Variants in BEST2 observed in about 807,000 individuals in gnomAD.
BEST2 encodes the protein bestrophin 2.
Under a neutral mutation model 49.0 loss-of-function variants are expected in BEST2, and 36 were observed. The observed-to-expected ratio is 0.73, with a 90% CI of 0.56 to 0.97. The LOEUF is 0.97. Among genes scored for constraint, BEST2 ranks in the 50% least tolerant of loss-of-function variants. The pLI, the probability that BEST2 is intolerant of heterozygous loss-of-function variation, is 0.00. For synonymous variants in BEST2, 335 were observed against 304.4 expected (o/e 1.10, Z -1.05); for missense variants, 672 against 710.0 (o/e 0.95, Z 0.61).
intron 2 of BEST2, 64 bp from the exon 3 acceptor site, chr19:12,753,196 A>G: frequency 6.5e-7 from 1 of 1,549,200 alleles, no homozygotes; most frequent in Non-Finnish European, 8.9e-7. Context: ...GCACAGCAAG[A>G]GAGATCTGAA....
At chr19:12,757,307 G>A (rs1967956481) in intron 9 of BEST2, among the ~76,000 whole-genome samples, 1 of 152,086 alleles carries the variant, frequency 6.6e-6, no homozygotes, top group Non-Finnish European at 1.5e-5. Flanking sequence ...AGGTACTCAG[G>A]AGGCTGAGAC....
intron 9 of BEST2, chr19:12,756,781 G>A (rs1820088053): frequency 1.7e-5 from 3 of 175,038 alleles, no homozygotes. Flanking sequence ...AGGAGTTCGA[G>A]GCTGCAGTGA....
chr19:12,758,230 T>C lies in BEST2; in HGVS notation c.*153T>C, dbSNP rs1479564100. On this transcript the variant is annotated 3_prime_UTR_variant, in exon 10 of 10. Transcript: ENST00000553030. ...TGCCCGCATGTGTTTGGCGCTGTGC[T>C]AGGGGCGGGAGTTCTTCCAGACTCT... is the stretch of plus-strand genomic sequence containing the variant. The C allele has an allele frequency of 1.0e-6, 1 of 985,406 alleles. No individual in the cohort carries two copies. The highest frequency in any genetic ancestry group is 1.7e-5 in the African/African-American group (1 of 60,492). 61.0% of individuals were successfully genotyped at this position (985,406 alleles called of 1,614,324 possible).
Position 12,755,032 on chromosome 19 carries a change from G to T in BEST2, c.636+1G>T, listed in dbSNP as rs1967922564. 1 of 1,597,752 alleles carries T rather than the reference G, an allele frequency of 6.3e-7. No homozygotes were observed. The highest frequency in any genetic ancestry group is 1.4e-5 in the African/African-American group (1 of 73,868). On this transcript the variant is annotated splice_donor_variant, in intron 5 of 9. Transcript: ENST00000553030. LOFTEE classifies it high-confidence loss of function. The surrounding 1 kb of genome is among the most constrained non-coding windows in gnomAD (Gnocchi z 4.4). ...CAGCGCCCTTAAGCTGCTGCTCGAG[G>T]TGGGCCCAACCAGGAGGTCATTCAT...
rs1967913437 is a variant in BEST2 at position 12,754,614 on chromosome 19, G to C, written c.310G>C (p.Asp104His). 1 of 1,564,340 alleles carries C rather than the reference G, an allele frequency of 6.4e-7. No homozygotes were observed. The highest frequency in any genetic ancestry group is 1.4e-5 in the African/African-American group (1 of 73,828). Residue 104 changes from aspartate (D) to histidine (H), a missense_variant, in exon 4 of 10, where the codon GAC becomes CAC. Coordinates refer to ENST00000553030, the MANE Select transcript of BEST2 (RefSeq NM_017682.3). ...WSQYLCMPLP[D>H]ALMCVVAGTV... is the part of the protein sequence containing the mutation. ...CCAGTACCTATGCATGCCGCTGCCC[G>C]ACGCGCTCATGTGCGTGGTGGCGGG...
intron 9 of BEST2, 132 bp downstream of exon 9, chr19:12,756,427 C>T (rs767165428): frequency 2.5e-5 from 32 of 1,263,634 alleles, no homozygotes; most frequent in Non-Finnish European, 3.3e-5. Context: ...ACTGTGATAA[C>T]GCCAGAAGCT....
rs1967925116 is a variant in BEST2 at position 12,755,157 on chromosome 19, T to G, written c.636+126T>G. ...TCAAACACCCTCACCAGGTGCACTCTTACCTCCATGGGGCTGATTCCAATG... is the reference window on the plus strand; with the variant it reads ...TCAAACACCCTCACCAGGTGCACTCGTACCTCCATGGGGCTGATTCCAATG... On this transcript the variant is annotated intron_variant, in intron 5 of 9. Coordinates refer to ENST00000553030, the MANE Select transcript of BEST2 (RefSeq NM_017682.3). This position sits in a 1 kb window ranked among gnomAD's most constrained non-coding sequence, Gnocchi z 4.4. 3 of 1,255,244 alleles carry G rather than the reference T, an allele frequency of 2.4e-6. No homozygotes were observed. The highest frequency in any genetic ancestry group is 3.3e-6 in the Non-Finnish European group (3 of 921,088). The allele number at this position is 1,255,244 out of a possible 1,614,324, so 77.8% of individuals were successfully genotyped here. A position where few individuals can be genotyped will look rare whatever the true frequency, so the allele number is the denominator to read the frequency against.
At position 12,754,616 on chromosome 19, in the gene BEST2, C is replaced by G. The variant is rs748886255; in HGVS notation, c.312C>G (p.Asp104Glu). The change falls in exon 4 of 10, where the codon GAC becomes GAG. Residue 104 changes from aspartate (D) to glutamate (E), a missense_variant. Physicochemically the swap from Asp to Glu is conservative, Grantham distance 45. This residue lies in a region of BEST2 where 365 missense variants were observed against 390.9 expected (regional missense o/e 0.93). Transcript: ENST00000553030. The part of the protein sequence containing the change: ...WSQYLCMPLP[D>E]ALMCVVAGTV... ...AGTACCTATGCATGCCGCTGCCCGA[C>G]GCGCTCATGTGCGTGGTGGCGGGCA... 5 of 1,564,266 alleles carry G rather than the reference C, an allele frequency of 3.2e-6. No individual in the cohort carries two copies. The South Asian group carries it at 4.7e-5, about 15-fold the overall frequency.
In BEST2 at chr19:12,752,509, G is replaced by A. The variant is rs1967879836; in HGVS notation, c.-51-33G>A. On this transcript the variant is annotated intron_variant, in intron 1 of 9. Coordinates refer to ENST00000553030, the MANE Select transcript of BEST2 (RefSeq NM_017682.3). Reference sequence around the variant, plus strand: ...AACATGGGTGGAATCCCTGTGCTCAGTTATCCCCGCACCTCTCCACCCACA... The same window carrying A: ...AACATGGGTGGAATCCCTGTGCTCAATTATCCCCGCACCTCTCCACCCACA... 3.5e-6 allele frequency: 5 copies of A among 1,432,242 alleles called. No individual in the cohort carries two copies. The East Asian group carries it at 9.2e-5, about 26-fold the overall frequency. The allele number at this position is 1,432,242 out of a possible 1,614,324, so 88.7% of individuals were successfully genotyped here. A position where few individuals can be genotyped will look rare whatever the true frequency, so the allele number is the denominator to read the frequency against.
chr19:12,755,149 G>A lies in BEST2; in HGVS notation c.636+118G>A, dbSNP rs1599458250. 11 of 1,305,138 alleles carry A rather than the reference G, an allele frequency of 8.4e-6. No homozygotes were observed. Among genetic ancestry groups the A allele is most frequent in the South Asian group, 3.0e-5 (2 of 66,832 alleles). 80.8% of individuals were successfully genotyped at this position (1,305,138 alleles called of 1,614,324 possible). A position where few individuals can be genotyped will look rare whatever the true frequency, so the allele number is the denominator to read the frequency against. On this transcript the variant is annotated intron_variant, in intron 5 of 9. Coordinates refer to ENST00000553030, the MANE Select transcript of BEST2 (RefSeq NM_017682.3). The surrounding 1 kb of genome is among the most constrained non-coding windows in gnomAD (Gnocchi z 4.4). The stretch of plus-strand genomic sequence containing the variant: ...GGCCGATTTCAAACACCCTCACCAG[G>A]TGCACTCTTACCTCCATGGGGCTGA...
chr19:12,758,008 C>A lies in BEST2; in HGVS notation c.1461C>A (p.Pro487=). The A allele has an allele frequency of 6.2e-7, 1 of 1,612,752 alleles. No individual in the cohort carries two copies. Among genetic ancestry groups the A allele is most frequent in the Non-Finnish European group, 8.5e-7 (1 of 1,179,862 alleles). Reference sequence around the variant, plus strand: ...AGCCCTTCAGCATCGTGACCATGCCCGGGCCCCGGGGTCCGGCGCCACCCT... The same window carrying A: ...AGCCCTTCAGCATCGTGACCATGCCAGGGCCCCGGGGTCCGGCGCCACCCT... ...PVEPFSIVTM[P]GPRGPAPPWL... The change falls in exon 10 of 10, where the codon CCC becomes CCA. Residue 487 remains proline (P), a synonymous_variant. Coordinates refer to ENST00000553030, the MANE Select transcript of BEST2 (RefSeq NM_017682.3).
Position 12,758,085 on chromosome 19 carries a change from G to C in BEST2, c.*8G>C, listed in dbSNP as rs567409434. On this transcript the variant is annotated 3_prime_UTR_variant, in exon 10 of 10. Transcript: ENST00000553030. ...GAGGAGAATCTGGCCTGAGATCTTAGAGCCCAGCCCCCTAAGGACAGGGAA... is the reference window on the plus strand; with the variant it reads ...GAGGAGAATCTGGCCTGAGATCTTACAGCCCAGCCCCCTAAGGACAGGGAA... 53 of 1,612,024 alleles carry C rather than the reference G, an allele frequency of 3.3e-5. No homozygotes were observed. The Middle Eastern group carries it at 8.3e-4, about 25-fold the overall frequency.
In BEST2 at chr19:12,752,600, T is replaced by G; in HGVS notation, c.8T>G (p.Val3Gly). The G allele has an allele frequency of 6.2e-7, 1 of 1,611,586 alleles. No individual in the cohort carries two copies. Among genetic ancestry groups the G allele is most frequent in the South Asian group, 1.1e-5 (1 of 90,978 alleles). MT[V>G]TYTARVANAR... The stretch of plus-strand genomic sequence containing the variant: ...CACCTGCCGGGTGCCACGATGACCG[T>G]CACCTACACAGCCCGAGTGGCGAAC... The change falls in exon 2 of 10, where the codon GTC (valine) becomes GGC (glycine). Residue 3 changes from valine to glycine, a missense_variant. Val to Gly is a moderately radical substitution (Grantham distance 109). Around this residue, in one of 3 missense-constraint regions of BEST2, gnomAD observed 365 missense variants for 390.9 expected, o/e 0.93. Transcript: ENST00000553030.
intron 2 of BEST2, 133 bp downstream of exon 2, chr19:12,752,877 C>T (rs1463945670): frequency 1.4e-6 from 1 of 712,592 alleles, no homozygotes; most frequent in Non-Finnish European, 1.8e-6. Flanking sequence ...GAGATGGAGT[C>T]TCACTCTGTC....
At position 12,756,288 on chromosome 19, in the gene BEST2, G is replaced by A; in HGVS notation, c.1096G>A (p.Asp366Asn). 6.2e-7 allele frequency: 1 copy of A among 1,612,966 alleles called. No homozygotes were observed. Among genetic ancestry groups the A allele is most frequent in the Non-Finnish European group, 8.5e-7 (1 of 1,180,018 alleles). Residue 366 changes from aspartate (D) to asparagine (N), a missense_variant, in exon 9 of 10, where the codon GAC becomes AAC. Physicochemically the swap from Asp to Asn is conservative, Grantham distance 23. Around this residue, in one of 3 missense-constraint regions of BEST2, gnomAD observed 291 missense variants for 279.8 expected, o/e 1.04. Coordinates refer to ENST00000553030, the MANE Select transcript of BEST2 (RefSeq NM_017682.3). ...RQPSFQGSTF[D>N]ITLAKEDMQF... ...GCCTTCCTTCCAGGGCTCCACCTTT[G>A]ACATCACGTGAGCCAGTTGGGTGGG...
intron 2 of BEST2, 108 bp from the exon 3 acceptor site, chr19:12,753,152 G>T: frequency 8.7e-7 from 1 of 1,149,334 alleles, no homozygotes; most frequent in African/African-American, 1.5e-5. Flanking sequence ...CACCCGGCTG[G>T]GGGCAGCTAT....
At position 12,754,563 on chromosome 19, in the gene BEST2, A is replaced by T. The variant is rs1039150174; in HGVS notation, c.259A>T (p.Thr87Ser). Reference sequence around the variant, plus strand: ...CCGCTCCCCTGCAGGCTTTTATGTGACGCTGGTGGTGAACCGCTGGTGGAG... The same window carrying T: ...CCGCTCCCCTGCAGGCTTTTATGTGTCGCTGGTGGTGAACCGCTGGTGGAG... ...PVSFVLGFYV[T>S]LVVNRWWSQY... The change falls in exon 4 of 10, where the codon ACG becomes TCG. Residue 87 changes from threonine (T) to serine (S), a missense_variant. Coordinates refer to ENST00000553030, the MANE Select transcript of BEST2 (RefSeq NM_017682.3). 4 of 1,522,932 alleles carry T rather than the reference A, an allele frequency of 2.6e-6. No individual in the cohort carries two copies. Among genetic ancestry groups the T allele is most frequent in the Non-Finnish European group, 3.5e-6 (4 of 1,127,122 alleles). 94.3% of individuals were successfully genotyped at this position (1,522,932 alleles called of 1,614,324 possible).
chr19:12,757,659 A>G lies in BEST2; in HGVS notation c.1112A>G (p.Lys371Arg). 6.5e-7 allele frequency: 1 copy of G among 1,538,782 alleles called. No homozygotes were observed. The highest frequency in any genetic ancestry group is 2.4e-5 in the East Asian group (1 of 40,976). The change falls in exon 10 of 10, where the codon AAA becomes AGA. Residue 371 changes from lysine (K) to arginine (R), a missense_variant. Physicochemically the swap from Lys to Arg is conservative, Grantham distance 26 (BLOSUM62 2). Transcript: ENST00000553030. ...CACTGTCGGTCCCGCAGGCTGGCCA[A>G]AGAAGACATGCAGTTCCAGCGGCTG... ...QGSTFDITLA[K>R]EDMQFQRLDG...
intron 3 of BEST2, among the ~76,000 whole-genome samples, chr19:12,753,786 G>C (rs954425100): frequency 1.3e-5 from 2 of 152,052 alleles, no homozygotes; most frequent in African/African-American, 2.4e-5. Flanking sequence ...CCTGCCCAAG[G>C]CTCCCTGATG....
Sources: gnomAD v4.1 joint callset for allele counts (sites outside exome capture counted in the v4.1 genomes callset) on GRCh38, gnomAD v4.1.1 for gene constraint, gnomAD v4.1.1 regional missense constraint, Gnocchi (gnomAD v3.1) non-coding constraint, MANE v1.5 for transcripts, NCBI Gene and HGNC (gene_info 2026-07-23, HGNC 2026-07-21) for gene names.